Variants in ARFGAP3 observed in about 807,000 individuals in gnomAD.
The protein encoded by ARFGAP3 is ADP-ribosylation factor GTPase-activating protein 3.
ARFGAP3 carries 72 observed loss-of-function variants against 75.0 expected under a neutral mutation model. The ratio of observed to expected loss-of-function variants is 0.96; its 90% CI spans 0.79 to 1.17. The LOEUF is 1.17. Among genes scored for constraint, ARFGAP3 ranks in the 50% most tolerant of loss-of-function variants. The pLI, the probability that ARFGAP3 is intolerant of heterozygous loss-of-function variation, is 0.00. For synonymous variants in ARFGAP3, 221 were observed against 217.9 expected, an observed-to-expected ratio of 1.01 and a Z score of -0.13; for missense variants, 620 against 626.6, an observed-to-expected ratio of 0.99 and a Z score of 0.11.
rs76151132 is a variant in ARFGAP3, at chr22:42,818,126, T to C, written c.813-269A>G. 4.7e-3 allele frequency among the ~76,000 whole-genome samples: 714 copies of C among 152,306 alleles called. 1 individual carries two copies. The highest frequency in any genetic ancestry group is 0.015 in the African/African-American group (626 of 41,570). On this transcript the variant is annotated intron_variant, in intron 9 of 15. Coordinates refer to ENST00000263245, the MANE Select transcript of ARFGAP3 (RefSeq NM_014570.5). Reference sequence around the variant, plus strand: ...GTTCATGTTACCTATTATTGTATAATAACATAATGTATACCCAAATCACTT... The same window carrying C: ...GTTCATGTTACCTATTATTGTATAACAACATAATGTATACCCAAATCACTT...
At chr22:42,842,037 C>T (rs542340381) in intron 2 of ARFGAP3, among the ~76,000 whole-genome samples, 18 of 109,814 alleles carry the variant, frequency 1.6e-4, no homozygotes, top group African/African-American at 4.7e-4. Flanking sequence ...TTTTTTGAGA[C>T]GGAGTTGCCC....
chr22:42,856,637 G>A (rs1405816294), intron 1 of ARFGAP3, among the ~76,000 whole-genome samples: 1 of 152,214 alleles, frequency 6.6e-6, no homozygotes, highest in Non-Finnish European at 1.5e-5. Context: ...AAGAGAAACT[G>A]AGGCAGGCAC....
chr22:42,803,866 TTTCC>T (rs886959131), intron 14 of ARFGAP3, among the ~76,000 whole-genome samples: 42 of 151,746 alleles, frequency 2.8e-4, no homozygotes, highest in East Asian at 1.9e-3. Flanking sequence ...GAACTGATTG[TTTCC>T]TTCCTTCCTT....
Position 42,857,211 on chromosome 22 carries a change from C to G in ARFGAP3, c.-29G>C, listed in dbSNP as rs749835202. On this transcript the variant is annotated 5_prime_UTR_variant, in exon 1 of 16. Transcript: ENST00000263245. ...CAGCTGTGAGCCGCGGCGCAGCTGG[C>G]CCAGCCAACCGGTAAGAGTCGACGA... The G allele has an allele frequency of 3.3e-5, 50 of 1,503,208 alleles. No individual in the cohort carries two copies. The highest frequency in any genetic ancestry group is 4.4e-5 in the Non-Finnish European group (49 of 1,123,018). 93.1% of individuals were successfully genotyped at this position (1,503,208 alleles called of 1,614,324 possible).
At chr22:42,855,164 C>T (rs929458910) in intron 1 of ARFGAP3, among the ~76,000 whole-genome samples, 3 of 152,156 alleles carry the variant, frequency 2.0e-5, no homozygotes, top group African/African-American at 7.2e-5. Context: ...GGGTGACATA[C>T]CTAGAAAGTA....
intron 7 of ARFGAP3, among the ~76,000 whole-genome samples, chr22:42,824,520 TTTTC>T (rs1433132259): frequency 4.1e-5 from 6 of 148,082 alleles, no homozygotes; most frequent in South Asian, 2.1e-4. Context: ...CCATGCCTGG[TTTTC>T]TTTCTTTTTT....
At chr22:42,849,271 C>T (rs1215357783) in intron 1 of ARFGAP3, among the ~76,000 whole-genome samples, 1 of 152,186 alleles carries the variant, frequency 6.6e-6, no homozygotes, top group East Asian at 1.9e-4. Flanking sequence ...TGATCTGATA[C>T]ACAGCAATAG....
At chr22:42,841,116 A>G in intron 2 of ARFGAP3, 100 bp from the exon 3 acceptor site, 3 of 1,489,194 alleles carry the variant, frequency 2.0e-6, no homozygotes, top group South Asian at 1.3e-5. Flanking sequence ...TTAGGATCCT[A>G]AAGAATTCTA....
rs539531013 is a variant in ARFGAP3 at position 42,826,474 on chromosome 22, G to C, written c.625+466C>G. ...GGCTCACTGCAGCCTCAACCTCCCAGGCTCAAGTGATCCTCCTGCCTCAGT... is the reference window on the plus strand; with the variant it reads ...GGCTCACTGCAGCCTCAACCTCCCACGCTCAAGTGATCCTCCTGCCTCAGT... On this transcript the variant is annotated intron_variant, in intron 7 of 15. Coordinates refer to ENST00000263245, the MANE Select transcript of ARFGAP3 (RefSeq NM_014570.5). Among the ~76,000 whole-genome samples, 26 of 151,894 alleles carry C rather than the reference G, an allele frequency of 1.7e-4. No homozygotes were observed. The South Asian group carries it at 5.4e-3, about 32-fold the overall frequency.
chr22:42,822,531 T>A, intron 8 of ARFGAP3, 122 bp from the exon 9 acceptor site: 2 of 1,225,472 alleles, frequency 1.6e-6, no homozygotes, highest in Non-Finnish European at 2.3e-6. Context: ...ATTTGTTCTG[T>A]GGCTTAGTCC....
intron 14 of ARFGAP3, among the ~76,000 whole-genome samples, chr22:42,801,867 G>A (rs981022452): frequency 6.6e-6 from 1 of 152,138 alleles, no homozygotes; most frequent in Non-Finnish European, 1.5e-5. Flanking sequence ...GGCCTAACCA[G>A]GCCCCCAGGG....
chr22:42,842,609 T>C (rs888999461), intron 2 of ARFGAP3, among the ~76,000 whole-genome samples: 11 of 151,856 alleles, frequency 7.2e-5, no homozygotes, highest in African/African-American at 1.9e-4. Flanking sequence ...GAACCACACC[T>C]GGCTAATTTT....
At chr22:42,838,257 T>TATATATATATACACACAC (rs1926616721) in intron 3 of ARFGAP3, among the ~76,000 whole-genome samples, 2 of 143,706 alleles carry the variant, frequency 1.4e-5, no homozygotes, top group South Asian at 4.4e-4. Flanking sequence ...ATTTAATTGA[T>TATATATATATACACACAC]ATATATATAC....
At chr22:42,800,522 C>T (rs938654858) in intron 14 of ARFGAP3, among the ~76,000 whole-genome samples, 5 of 152,120 alleles carry the variant, frequency 3.3e-5, no homozygotes, top group Non-Finnish European at 5.9e-5. Context: ...CAGAGCGAGA[C>T]CCCATCTCAA....
At chr22:42,808,094 T>C (rs969775568) in intron 13 of ARFGAP3, among the ~76,000 whole-genome samples, 4 of 151,942 alleles carry the variant, frequency 2.6e-5, no homozygotes, top group Non-Finnish European at 5.9e-5. Context: ...AATAAATATA[T>C]GCACTCCTCA....
At chr22:42,823,047 T>C (rs574394574) in intron 8 of ARFGAP3, among the ~76,000 whole-genome samples, 28 of 152,264 alleles carry the variant, frequency 1.8e-4, no homozygotes, top group Non-Finnish European at 3.5e-4. Context: ...GGGGCTCAAG[T>C]GATCCACCTG....
chr22:42,818,218 A>G (rs187637426), intron 9 of ARFGAP3, among the ~76,000 whole-genome samples: 182 of 151,842 alleles, frequency 1.2e-3, no homozygotes, highest in Non-Finnish European at 2.2e-3. Context: ...TCCACATTAC[A>G]TAACAAAGCA....
intron 14 of ARFGAP3, among the ~76,000 whole-genome samples, chr22:42,805,345 T>TA (rs1925071523): frequency 6.6e-6 from 1 of 152,044 alleles, no homozygotes; most frequent in African/African-American, 2.4e-5. Flanking sequence ...TGCTTCAGAG[T>TA]AAAACTTCTA....
intron 3 of ARFGAP3, among the ~76,000 whole-genome samples, chr22:42,835,989 T>C: frequency 1.4e-5 from 2 of 147,540 alleles, no homozygotes; most frequent in Admixed American, 6.7e-5. Flanking sequence ...TCTTTTTTTT[T>C]TTTTTTTTTT....
Sources: gnomAD v4.1 joint callset for allele counts (sites outside exome capture counted in the v4.1 genomes callset) on GRCh38, gnomAD v4.1.1 for gene constraint, MANE v1.5 for transcripts, NCBI Gene and HGNC (gene_info 2026-07-23, HGNC 2026-07-21) for gene names.